Variants in CADM2 observed in about 807,000 individuals in gnomAD.
CADM2 encodes cell adhesion molecule 2.
A neutral mutation model predicts 49.8 loss-of-function variants in CADM2; 12 were observed. The observed-to-expected ratio is 0.24, with a 90% CI of 0.15 to 0.39. The LOEUF (loss-of-function observed/expected upper bound fraction) is 0.39. CADM2 is among the 10% of genes least tolerant of loss of function. The pLI, the probability that CADM2 is intolerant of heterozygous loss-of-function variation, is 1.00. For synonymous variants in CADM2, 214 were observed against 175.4 expected, an observed-to-expected ratio of 1.22 and a Z score of -1.74; for missense variants, 378 against 492.3, an observed-to-expected ratio of 0.77 and a Z score of 2.20.
intron 1 of CADM2, among the ~76,000 whole-genome samples, chr3:85,226,480 A>G: frequency 6.6e-6 from 1 of 151,796 alleles, no homozygotes; most frequent in Non-Finnish European, 1.5e-5. Context: ...CACCTTTATC[A>G]TTTTTTATCG....
At chr3:85,382,267 T>A (rs984471789) in intron 1 of CADM2, among the ~76,000 whole-genome samples, 1 of 152,170 alleles carries the variant, frequency 6.6e-6, no homozygotes, top group Non-Finnish European at 1.5e-5. Context: ...AGTGCTTATA[T>A]AGTTCTAGAA....
chr3:85,173,276 C>G (rs1013436732), intron 1 of CADM2, among the ~76,000 whole-genome samples: 1 of 152,010 alleles, frequency 6.6e-6, no homozygotes, highest in East Asian at 1.9e-4. Context: ...ACTACTTTAC[C>G]ACTTATGTAG....
At chr3:85,668,271 AATC>A (rs1478562198) in intron 1 of CADM2, among the ~76,000 whole-genome samples, 2 of 144,612 alleles carry the variant, frequency 1.4e-5, no homozygotes, top group African/African-American at 5.3e-5. Flanking sequence ...GAGACAGAAT[AATC>A]ATGTTTTCCT....
chr3:85,792,463 G>C (rs1289956239), intron 2 of CADM2, among the ~76,000 whole-genome samples: 3 of 152,216 alleles, frequency 2.0e-5, no homozygotes, highest in African/African-American at 7.2e-5. Context: ...CTAAAGAATA[G>C]TGAGAGGACT....
chr3:85,915,960 A>C (rs1718244406), intron 6 of CADM2, among the ~76,000 whole-genome samples: 1 of 152,172 alleles, frequency 6.6e-6, no homozygotes, highest in Non-Finnish European at 1.5e-5. Flanking sequence ...GTGAGCAATA[A>C]GAAATTAAAG....
At chr3:86,018,158 G>A (rs1349291082) in intron 8 of CADM2, among the ~76,000 whole-genome samples, 1 of 126,914 alleles carries the variant, frequency 7.9e-6, no homozygotes, top group Admixed American at 8.5e-5. Context: ...ATAGTTTACT[G>A]AGAATGATGA....
chr3:85,189,723 G>C (rs2041159315), intron 1 of CADM2, among the ~76,000 whole-genome samples: 1 of 152,022 alleles, frequency 6.6e-6, no homozygotes, highest in Non-Finnish European at 1.5e-5. Context: ...GCATTCTTTA[G>C]GGGGGACCTC....
At chr3:85,986,119 T>G (rs1159926706) in intron 8 of CADM2, among the ~76,000 whole-genome samples, 1 of 152,068 alleles carries the variant, frequency 6.6e-6, no homozygotes, top group South Asian at 2.1e-4. Flanking sequence ...TGCCCTTCTA[T>G]TCTCTACATC....
intron 1 of CADM2, among the ~76,000 whole-genome samples, chr3:85,138,968 C>T (rs1184236038): frequency 6.6e-6 from 1 of 152,132 alleles, no homozygotes; most frequent in African/African-American, 2.4e-5. Flanking sequence ...ATGGTAGAAA[C>T]AGTGGAAGTA....
intron 1 of CADM2, among the ~76,000 whole-genome samples, chr3:85,290,201 A>G (rs1331169627): frequency 1.3e-5 from 2 of 151,960 alleles, no homozygotes; most frequent in Admixed American, 6.6e-5. Flanking sequence ...AAATCGGGTC[A>G]CTCCCACCCG....
chr3:85,518,592 T>A (rs1234154447), intron 1 of CADM2, among the ~76,000 whole-genome samples: 1 of 152,176 alleles, frequency 6.6e-6, no homozygotes, highest in East Asian at 1.9e-4. Context: ...GAAAAATTAG[T>A]GTTCGTGGGG....
At chr3:85,589,203 C>T (rs1159282427) in intron 1 of CADM2, among the ~76,000 whole-genome samples, 1 of 151,932 alleles carries the variant, frequency 6.6e-6, no homozygotes, top group Non-Finnish European at 1.5e-5. Flanking sequence ...TTTACCACTT[C>T]ACTGTTTTGC....
At chr3:85,043,528 T>C (rs2035527645) in intron 1 of CADM2, among the ~76,000 whole-genome samples, 1 of 151,422 alleles carries the variant, frequency 6.6e-6, no homozygotes, top group East Asian at 2.0e-4. Context: ...AAAAGTAAAA[T>C]AAAATAAAAT....
intron 1 of CADM2, among the ~76,000 whole-genome samples, chr3:85,105,947 G>C (rs1273499537): frequency 6.6e-6 from 1 of 151,912 alleles, no homozygotes; most frequent in Non-Finnish European, 1.5e-5. Context: ...ACTGTGGTGG[G>C]GTGGGGGGAC....
At chr3:85,473,325 C>T (rs1162581166) in intron 1 of CADM2, among the ~76,000 whole-genome samples, 1 of 152,040 alleles carries the variant, frequency 6.6e-6, no homozygotes, top group East Asian at 1.9e-4. Flanking sequence ...TTGGACACAG[C>T]TGTCGATAAA....
At chr3:85,225,062 T>C (rs950330918) in intron 1 of CADM2, among the ~76,000 whole-genome samples, 4 of 152,164 alleles carry the variant, frequency 2.6e-5, no homozygotes, top group African/African-American at 9.7e-5. Context: ...TCTTTTTGCT[T>C]AGGATTGTCT....
chr3:85,656,984 T>A (rs1045532697), intron 1 of CADM2, among the ~76,000 whole-genome samples: 1 of 152,192 alleles, frequency 6.6e-6, no homozygotes, highest in African/African-American at 2.4e-5. Context: ...CTTCTAAATA[T>A]GTCCAGATTT....
intron 1 of CADM2, among the ~76,000 whole-genome samples, chr3:85,189,822 G>A (rs1321607861): frequency 2.0e-5 from 3 of 152,038 alleles, no homozygotes; most frequent in East Asian, 1.9e-4. Flanking sequence ...CTACTTACAC[G>A]CTCACTCAAA....
chr3:85,747,136 C>T (rs1376993403), intron 2 of CADM2, among the ~76,000 whole-genome samples: 2 of 152,010 alleles, frequency 1.3e-5, no homozygotes, highest in African/African-American at 4.8e-5. Context: ...ATCCTGTACT[C>T]GCTTGACTCT....
Sources: gnomAD v4.1 joint callset for allele counts (sites outside exome capture counted in the v4.1 genomes callset) on GRCh38, gnomAD v4.1.1 for gene constraint, MANE v1.5 for transcripts, NCBI Gene and HGNC (gene_info 2026-07-23, HGNC 2026-07-21) for gene names.